SLC44A3: variants seen among roughly 807,000 people sequenced by gnomAD.
SLC44A3 encodes choline transporter-like protein 3.
A neutral mutation model predicts 75.4 loss-of-function variants in SLC44A3; 74 were observed. The observed-to-expected ratio is 0.98, with a 90% CI of 0.81 to 1.19. The LOEUF is 1.19. Ranked by LOEUF, SLC44A3 falls within the 50% of genes most tolerant of loss-of-function variation. The pLI, the probability that SLC44A3 is intolerant of heterozygous loss-of-function variation, is 0.00. For synonymous variants in SLC44A3, 310 were observed against 296.9 expected, an observed-to-expected ratio of 1.04 and a Z score of -0.45; for missense variants, 700 against 778.6, an observed-to-expected ratio of 0.90 and a Z score of 1.20.
At chr1:94,885,983 T>C (rs1001452044) in intron 12 of SLC44A3, among the ~76,000 whole-genome samples, 6 of 152,192 alleles carry the variant, frequency 3.9e-5, no homozygotes, top group African/African-American at 1.2e-4. Flanking sequence ...CACTAAGGCA[T>C]CCACCGAGGT....
At chr1:94,823,416 C>T (rs1008478976) in intron 2 of SLC44A3, among the ~76,000 whole-genome samples, 1 of 152,172 alleles carries the variant, frequency 6.6e-6, no homozygotes, top group African/African-American at 2.4e-5. Context: ...TTAGGAGGAT[C>T]TTGGAGAGTG....
chr1:94,857,476 C>A lies in SLC44A3; in HGVS notation c.1214C>A (p.Ala405Glu). The A allele has an allele frequency of 6.2e-7, 1 of 1,612,184 alleles. No individual in the cohort carries two copies. Among genetic ancestry groups the A allele is most frequent in the Non-Finnish European group, 8.5e-7 (1 of 1,179,462 alleles). ...TGCCAGCAAATGACTATAGCTGGGG[C>A]AGTGGTTACTTGTTATTTCAACAGG... ...LACQQMTIAG[A>E]VVTCYFNRSK... The change falls in exon 10 of 15, where the codon GCA becomes GAA. Residue 405 changes from alanine (A) to glutamate (E), a missense_variant. Coordinates refer to ENST00000271227, the MANE Select transcript of SLC44A3 (RefSeq NM_001114106.3).
At chr1:94,840,283 C>CTTTTTTTTTTTTTTTTTTTTTTTT (rs56383271) in intron 7 of SLC44A3, among the ~76,000 whole-genome samples, 8 of 77,364 alleles carry the variant, frequency 1.0e-4, no homozygotes, top group African/African-American at 1.0e-4. Context: ...TTTCTTTTTC[C>CTTTTTTTTTTTTTTTTTTTTTTTT]TTTTTTTTTT....
intron 12 of SLC44A3, among the ~76,000 whole-genome samples, chr1:94,887,294 A>C (rs1669686084): frequency 6.6e-6 from 1 of 152,138 alleles, no homozygotes; most frequent in South Asian, 2.1e-4. Context: ...AGCTGCAGAA[A>C]TGTTTAATCC....
intron 9 of SLC44A3, among the ~76,000 whole-genome samples, chr1:94,850,577 G>A (rs1665095157): frequency 6.6e-6 from 1 of 152,168 alleles, no homozygotes; most frequent in African/African-American, 2.4e-5. Context: ...AGGCAGCAGG[G>A]TCAGACAGAG....
intron 9 of SLC44A3, among the ~76,000 whole-genome samples, chr1:94,851,757 TG>T (rs1665243589): frequency 6.6e-6 from 1 of 152,214 alleles, no homozygotes; most frequent in Non-Finnish European, 1.5e-5. Context: ...GTCAGCAGGC[TG>T]GGGCTGGCAG....
At chr1:94,844,746 G>A (rs1664171882) in intron 8 of SLC44A3, among the ~76,000 whole-genome samples, 1 of 152,180 alleles carries the variant, frequency 6.6e-6, no homozygotes, top group Admixed American at 6.5e-5. Context: ...GACAAGCCAA[G>A]AAGCTCGGCC....
At chr1:94,836,656 C>T (rs559840640) in intron 5 of SLC44A3, 6 of 151,264 alleles carry the variant, frequency 4.0e-5, no homozygotes, top group African/African-American at 1.5e-4. Context: ...TGGCTCATGC[C>T]TGTAATCCCA....
Position 94,841,999 on chromosome 1 carries a change from G to A in SLC44A3, c.761-1G>A. Reference sequence around the variant, plus strand: ...AGCTCTGCTACTGTTCTCTTTTCTAGTTGTCTGCGGTGTTTTATGGTGGCT... The same window carrying A: ...AGCTCTGCTACTGTTCTCTTTTCTAATTGTCTGCGGTGTTTTATGGTGGCT... On this transcript the variant is annotated splice_acceptor_variant, in intron 7 of 14. Coordinates refer to ENST00000271227, the MANE Select transcript of SLC44A3 (RefSeq NM_001114106.3). LOFTEE classifies it high-confidence loss of function. The A allele has an allele frequency of 6.2e-7, 1 of 1,608,328 alleles. No homozygotes were observed. Among genetic ancestry groups the A allele is most frequent in the Non-Finnish European group, 8.5e-7 (1 of 1,177,970 alleles).
In SLC44A3 at chr1:94,880,903, C is replaced by CAAA. The variant is rs10700127; in HGVS notation, c.1483-10217_1483-10215dup. Among the ~76,000 whole-genome samples, 32 of 140,832 alleles carry CAAA rather than the reference C, an allele frequency of 2.3e-4. No homozygotes were observed. In the East Asian group the frequency reaches 2.7e-3, roughly 12 times the overall value. 92.4% of individuals were successfully genotyped at this position (140,832 alleles called of 152,430 possible). A position where few individuals can be genotyped will look rare whatever the true frequency, so the allele number is the denominator to read the frequency against. ...AATGTTCTACATTTTTTTTTAATGA[C>CAAA]AAAAAAAAAAAAGGCAAAGAGCTGG... On this transcript the variant is annotated intron_variant, in intron 12 of 14. Coordinates refer to ENST00000271227, the MANE Select transcript of SLC44A3 (RefSeq NM_001114106.3).
chr1:94,831,394 A>G (rs148713246), intron 5 of SLC44A3, among the ~76,000 whole-genome samples: 1 of 152,332 alleles, frequency 6.6e-6, no homozygotes, highest in East Asian at 1.9e-4. Context: ...GCTGGAAAAC[A>G]TGAGAAGGGT....
intron 8 of SLC44A3, chr1:94,843,636 A>T (rs1346712735): frequency 6.6e-6 from 1 of 152,254 alleles, no homozygotes; most frequent in Non-Finnish European, 1.5e-5. Flanking sequence ...CACAGCATGC[A>T]TGAGGTCACA....
intron 6 of SLC44A3, 24 bp downstream of exon 6, chr1:94,837,895 T>G (rs776106573): frequency 6.4e-7 from 1 of 1,568,288 alleles, no homozygotes; most frequent in Non-Finnish European, 8.6e-7. Flanking sequence ...AAGTTAATTT[T>G]AATAGTTGTT....
intron 12 of SLC44A3, among the ~76,000 whole-genome samples, chr1:94,878,002 A>G (rs1002343639): frequency 3.9e-5 from 6 of 152,184 alleles, no homozygotes; most frequent in African/African-American, 1.4e-4. Context: ...TGGGAGGCCA[A>G]GGCGGGTGGA....
intron 6 of SLC44A3, among the ~76,000 whole-genome samples, chr1:94,838,197 C>A (rs1008874649): frequency 1.3e-5 from 2 of 152,152 alleles, no homozygotes; most frequent in African/African-American, 4.8e-5. Flanking sequence ...TCAGGGTGAC[C>A]AGAAACCATG....
At chr1:94,872,512 G>A (rs1028582206) in intron 12 of SLC44A3, among the ~76,000 whole-genome samples, 15 of 152,044 alleles carry the variant, frequency 9.9e-5, no homozygotes, top group African/African-American at 2.7e-4. Flanking sequence ...CTGTGGGCTA[G>A]TGTCAGAAGT....
At chr1:94,842,597 A>T (rs1046979224) in intron 8 of SLC44A3, among the ~76,000 whole-genome samples, 2 of 152,256 alleles carry the variant, frequency 1.3e-5, no homozygotes, top group African/African-American at 4.8e-5. Flanking sequence ...CTCTAGCTGA[A>T]AACAGGCTGA....
intron 12 of SLC44A3, among the ~76,000 whole-genome samples, chr1:94,886,057 A>G (rs1287922906): frequency 6.6e-6 from 1 of 152,200 alleles, no homozygotes; most frequent in Non-Finnish European, 1.5e-5. Flanking sequence ...ATTTTCTCCC[A>G]AGAAGAACTC....
At chr1:94,829,305 C>T (rs1156317533) in intron 5 of SLC44A3, among the ~76,000 whole-genome samples, 1 of 151,024 alleles carries the variant, frequency 6.6e-6, no homozygotes, top group Non-Finnish European at 1.5e-5. Context: ...AAATCGTTTA[C>T]TTTTGGCTTT....
Sources: allele counts gnomAD v4.1 joint callset (sites outside exome capture counted in the v4.1 genomes callset), GRCh38; gene constraint gnomAD v4.1.1; transcripts MANE v1.5; gene names NCBI Gene and HGNC (gene_info 2026-07-23, HGNC 2026-07-21).